The following TCOF1 variants were observed in gnomAD, a reference collection of about 807,000 sequenced individuals.
TCOF1 encodes treacle ribosome biogenesis factor 1.
TCOF1 carries 33 observed loss-of-function variants against 149.0 expected under a neutral mutation model. The observed-to-expected ratio is 0.22, with a 90% confidence interval of 0.17 to 0.30. The LOEUF (loss-of-function observed/expected upper bound fraction) is 0.30. Among genes scored for constraint, TCOF1 ranks in the 10% least tolerant of loss-of-function variants. The pLI, the probability that TCOF1 is intolerant of heterozygous loss-of-function variation, is 1.00. For synonymous variants in TCOF1, 789 were observed against 738.8 expected, an observed-to-expected ratio of 1.07 and a Z score of -1.10; for missense variants, 1,728 against 1,840.7, an observed-to-expected ratio of 0.94 and a Z score of 1.12.
intron 14 of TCOF1, among the ~76,000 whole-genome samples, chr5:150,377,081 T>C (rs1180672068): frequency 1.3e-5 from 2 of 152,020 alleles, no homozygotes; most frequent in Non-Finnish European, 2.9e-5. Context: ...GCTGAAAGAG[T>C]TGGCCAGGTG....
chr5:150,390,082 C>T (rs1767096584), intron 19 of TCOF1, 59 bp downstream of exon 19: 1 of 1,556,544 alleles, frequency 6.4e-7, no homozygotes, highest in African/African-American at 1.4e-5. Flanking sequence ...TACTTCCATA[C>T]TTACCCACAT....
chr5:150,367,506 G>A (rs1325069173), intron 3 of TCOF1: 1 of 359,144 alleles, frequency 2.8e-6, no homozygotes, highest in East Asian at 6.7e-5. Context: ...TGTGTGAATG[G>A]TGCCCATTGC....
chr5:150,378,141 CAT>C (rs1764236992), intron 14 of TCOF1, among the ~76,000 whole-genome samples: 3 of 152,156 alleles, frequency 2.0e-5, no homozygotes, highest in Admixed American at 1.3e-4. Flanking sequence ...CATTTGACCT[CAT>C]GTGTTTGAGG....
intron 17 of TCOF1, among the ~76,000 whole-genome samples, chr5:150,385,730 A>T (rs1331398418): frequency 1.3e-5 from 2 of 152,160 alleles, no homozygotes; most frequent in Non-Finnish European, 2.9e-5. Context: ...GAAAGCCCCT[A>T]GGTTTGGTTC....
chr5:150,398,202 A>G, intron 24 of TCOF1, 152 bp from the exon 25 acceptor site: 3 of 1,518,356 alleles, frequency 2.0e-6, no homozygotes, highest in Non-Finnish European at 2.7e-6. Context: ...GATTGCAGGA[A>G]TGAACCTCCA....
Position 150,372,060 on chromosome 5 carries a change from G to A in TCOF1, c.694G>A (p.Glu232Lys). 6.2e-7 allele frequency: 1 copy of A among 1,614,216 alleles called. No homozygotes were observed. The highest frequency in any genetic ancestry group is 8.5e-7 in the Non-Finnish European group (1 of 1,180,048). ...QVKASSVSTK[E>K]SPARKAAPAP... ...CAAAGCCTCATCAGTTTCTACTAAG[G>A]AGTCTCCAGCAAGAAAGGCGGCCCC... is the stretch of plus-strand genomic sequence containing the variant. The change falls in exon 7 of 27, where the codon GAG becomes AAG. Residue 232 changes from glutamate to lysine, a missense_variant. By Grantham distance (56) the Glu-to-Lys change is moderately conservative (BLOSUM62 1). Around this residue, in one of 2 missense-constraint regions of TCOF1, gnomAD observed 1,696 missense variants for 1,765.4 expected, o/e 0.96. Coordinates refer to ENST00000643257, the MANE Select transcript of TCOF1 (RefSeq NM_001371623.1).
intron 2 of TCOF1, among the ~76,000 whole-genome samples, chr5:150,362,009 G>A (rs767533753): frequency 4.6e-5 from 7 of 152,190 alleles, no homozygotes; most frequent in Non-Finnish European, 7.3e-5. Flanking sequence ...GGTCACCATC[G>A]TCCAGGCAAG....
Position 150,393,380 on chromosome 5 carries a change from C to T in TCOF1, c.3612C>T (p.Leu1204=). 3 of 1,614,058 alleles carry T rather than the reference C, an allele frequency of 1.9e-6. No individual in the cohort carries two copies. The highest frequency in any genetic ancestry group is 2.5e-6 in the Non-Finnish European group (3 of 1,180,014). The part of the protein sequence containing the change: ...DDVVAPSQSL[L]SGYMTPGLTP... ...ACAATGGGCTTCTTCAGTCTCTCCT[C>T]TCAGGTTATATGACCCCTGGACTAA... The change falls in exon 23 of 27, where the codon CTC becomes CTT. Residue 1204 remains leucine (L), a synonymous_variant. Coordinates refer to ENST00000643257, the MANE Select transcript of TCOF1 (RefSeq NM_001371623.1).
Position 150,367,916 on chromosome 5 carries a change from A to G in TCOF1, c.377A>G (p.Lys126Arg). The G allele has an allele frequency of 2.5e-6, 4 of 1,614,198 alleles. No individual in the cohort carries two copies. Among genetic ancestry groups the G allele is most frequent in the Non-Finnish European group, 2.5e-6 (3 of 1,180,018 alleles). The change falls in exon 4 of 27, where the codon AAG (lysine) becomes AGG (arginine). Residue 126 changes from lysine (K) to arginine (R), a missense_variant and splice_region_variant. Physicochemically the swap from Lys to Arg is conservative, Grantham distance 26. Coordinates refer to ENST00000643257, the MANE Select transcript of TCOF1 (RefSeq NM_001371623.1). ...CCATCAAGCATGAAAGAAAAAGCCA[A>G]GGTGAGTGGGACTGCCTTCCAAGCT... ...DLPSSMKEKA[K>R]AETEKAGKTG...
intron 21 of TCOF1, chr5:150,392,449 G>T: frequency 1.6e-6 from 1 of 609,310 alleles, no homozygotes; most frequent in Non-Finnish European, 2.9e-6. Flanking sequence ...TTCTGGAACA[G>T]TGGAAAGCAG....
Position 150,399,179 on chromosome 5 carries a change from G to A in TCOF1, c.*22+109G>A, listed in dbSNP as rs1769254656. 4.0e-6 allele frequency: 6 copies of A among 1,494,612 alleles called. No homozygotes were observed. In the South Asian group the frequency reaches 6.9e-5, roughly 17 times the overall value. The allele number at this position is 1,494,612 out of a possible 1,614,324, so 92.6% of individuals were successfully genotyped here. A position where few individuals can be genotyped will look rare whatever the true frequency, so the allele number is the denominator to read the frequency against. ...TGATAGGTGGGCTCTAAGGGGAAAG[G>A]AGGCTGGGGAAAGAGGTTCTGTTGC... On this transcript the variant is annotated intron_variant, in intron 26 of 26. Transcript: ENST00000643257.
At chr5:150,378,812 A>G in intron 14 of TCOF1, 93 bp from the exon 15 acceptor site, 1 of 1,585,214 alleles carries the variant, frequency 6.3e-7, no homozygotes, top group Non-Finnish European at 8.7e-7. Context: ...GCCAGAATCC[A>G]GACTCGGGCT....
chr5:150,376,638 C>A lies in TCOF1; in HGVS notation c.2340+18C>A. ...CAGCACAGGTGAGGCCTAGAAGGAG[C>A]AGGCCCATCCCACCCACACCTGTTC... On this transcript the variant is annotated intron_variant, in intron 14 of 26. Coordinates refer to ENST00000643257, the MANE Select transcript of TCOF1 (RefSeq NM_001371623.1). 1.9e-6 allele frequency: 3 copies of A among 1,552,574 alleles called. No homozygotes were observed. The highest frequency in any genetic ancestry group is 2.6e-6 in the Non-Finnish European group (3 of 1,148,496).
At chr5:150,381,373 A>G (rs534593637) in intron 17 of TCOF1, among the ~76,000 whole-genome samples, 1 of 152,262 alleles carries the variant, frequency 6.6e-6, no homozygotes, top group Non-Finnish European at 1.5e-5. Context: ...GTGGGGCAAG[A>G]CAGGTGACCG....
At chr5:150,374,836 A>G in intron 9 of TCOF1, 25 bp downstream of exon 9, 1 of 1,602,880 alleles carries the variant, frequency 6.2e-7, no homozygotes, top group Non-Finnish European at 8.5e-7. Flanking sequence ...AGGGGTGGAG[A>G]GTAGCCCCAT....
chr5:150,381,929 C>T (rs1765293348), intron 17 of TCOF1, among the ~76,000 whole-genome samples: 1 of 152,170 alleles, frequency 6.6e-6, no homozygotes, highest in Non-Finnish European at 1.5e-5. Flanking sequence ...GGCACGGTGG[C>T]TCACACCTGT....
intron 12 of TCOF1, 24 bp from the exon 13 acceptor site, chr5:150,376,058 A>G: frequency 6.2e-7 from 1 of 1,613,710 alleles, no homozygotes; most frequent in East Asian, 2.2e-5. Context: ...AACCTTCTCC[A>G]GCCTTTCTTT....
chr5:150,359,128 C>T (rs1041782618), intron 1 of TCOF1, among the ~76,000 whole-genome samples: 2 of 152,158 alleles, frequency 1.3e-5, no homozygotes, highest in African/African-American at 4.8e-5. Flanking sequence ...AGGCGGATCA[C>T]TTGAGGCCAG....
At chr5:150,398,475 A>G (rs1311851763) in intron 25 of TCOF1, 24 bp downstream of exon 25, 1 of 1,613,984 alleles carries the variant, frequency 6.2e-7, no homozygotes, top group East Asian at 2.2e-5. Flanking sequence ...GGGGTGTCTC[A>G]GGCCAGAAAA....
Sources: gnomAD v4.1 joint callset for allele counts (sites outside exome capture counted in the v4.1 genomes callset) on GRCh38, gnomAD v4.1.1 for gene constraint, gnomAD v4.1.1 regional missense constraint, MANE v1.5 for transcripts, NCBI Gene and HGNC (gene_info 2026-07-23, HGNC 2026-07-21) for gene names.